ASTN2: variants seen among roughly 807,000 people sequenced by gnomAD.
ASTN2 encodes astrotactin-2.
ASTN2 carries 54 observed loss-of-function variants against 139.8 expected under a neutral mutation model. The observed-to-expected ratio is 0.39, with a 90% CI of 0.31 to 0.48. The LOEUF (loss-of-function observed/expected upper bound fraction) is 0.48, where lower values mean the gene tolerates loss of function less well. ASTN2 is among the 20% of genes least tolerant of loss of function. The pLI is 0.95. For missense variants in ASTN2, 1,565 were observed against 1,725.1 expected, an observed-to-expected ratio of 0.91 and a Z score of 1.64; for synonymous variants, 756 against 719.5, an observed-to-expected ratio of 1.05 and a Z score of -0.81.
chr9:116,465,810 C>T (rs1359864066), intron 20 of ASTN2, among the ~76,000 whole-genome samples: 1 of 152,022 alleles, frequency 6.6e-6, no homozygotes, highest in Non-Finnish European at 1.5e-5. Context: ...ATGGGAGGGG[C>T]AGAATGGGGC....
intron 17 of ASTN2, among the ~76,000 whole-genome samples, chr9:116,641,440 T>C (rs1041766073): frequency 1.3e-5 from 2 of 152,082 alleles, no homozygotes; most frequent in African/African-American, 4.8e-5. Flanking sequence ...AGTTTTCATG[T>C]TGGGGAAAAA....
chr9:117,060,478 AAGG>A (rs1839245230), intron 5 of ASTN2, among the ~76,000 whole-genome samples: 14 of 104,394 alleles, frequency 1.3e-4, no homozygotes, highest in African/African-American at 5.9e-4. Flanking sequence ...GGAAGGAAGG[AAGG>A]AAGGAATGAA....
chr9:116,516,673 G>A (rs144822769), intron 19 of ASTN2, among the ~76,000 whole-genome samples: 14 of 152,330 alleles, frequency 9.2e-5, no homozygotes, highest in Admixed American at 2.0e-4. Context: ...ACAAAAAACT[G>A]TGAGTCAGCT....
At chr9:117,148,749 A>G (rs894971228) in intron 3 of ASTN2, among the ~76,000 whole-genome samples, 6 of 152,240 alleles carry the variant, frequency 3.9e-5, no homozygotes, top group African/African-American at 1.4e-4. Context: ...ATATTTTTTT[A>G]GATGACATAA....
intron 13 of ASTN2, among the ~76,000 whole-genome samples, chr9:116,800,083 A>C (rs1423484882): frequency 6.6e-6 from 1 of 152,128 alleles, no homozygotes; most frequent in Non-Finnish European, 1.5e-5. Flanking sequence ...CGAGGAATAA[A>C]CTGTATTTTG....
intron 16 of ASTN2, among the ~76,000 whole-genome samples, chr9:116,685,523 A>C (rs2132033802): frequency 1.3e-5 from 2 of 152,324 alleles, no homozygotes; most frequent in Admixed American, 1.3e-4. Context: ...TTAAGTGTTA[A>C]ATAAAAATCT....
chr9:116,596,744 CAG>C (rs969219795), intron 19 of ASTN2, among the ~76,000 whole-genome samples: 7 of 152,050 alleles, frequency 4.6e-5, no homozygotes, highest in African/African-American at 1.7e-4. Context: ...TAGAAAATGA[CAG>C]AGAAGAAACC....
intron 12 of ASTN2, among the ~76,000 whole-genome samples, chr9:116,806,145 G>T (rs1831023282): frequency 6.6e-6 from 1 of 152,184 alleles, no homozygotes; most frequent in Admixed American, 6.5e-5. Flanking sequence ...AATTCACAGG[G>T]AATCATCAAC....
chr9:116,958,890 T>A (rs1186251547), intron 10 of ASTN2, among the ~76,000 whole-genome samples: 2 of 152,060 alleles, frequency 1.3e-5, no homozygotes, highest in Non-Finnish European at 2.9e-5. Context: ...CACTATGAAA[T>A]GGGTTCAACC....
chr9:116,491,484 C>A (rs1849516618), intron 19 of ASTN2, among the ~76,000 whole-genome samples: 1 of 152,070 alleles, frequency 6.6e-6, no homozygotes, highest in Admixed American at 6.5e-5. Flanking sequence ...AATTGAATTC[C>A]CGCCACACTC....
At chr9:116,815,688 C>CCAACTACT (rs1831296203) in intron 12 of ASTN2, among the ~76,000 whole-genome samples, 1 of 150,344 alleles carries the variant, frequency 6.7e-6, no homozygotes, top group South Asian at 2.1e-4. Context: ...ACCTGTAGTC[C>CCAACTACT]CAACTACTTG....
Position 116,618,441 on chromosome 9 carries a change from T to C in ASTN2, c.3238A>G (p.Ser1080Gly), listed in dbSNP as rs747783567. 3 of 1,613,868 alleles carry C rather than the reference T, an allele frequency of 1.9e-6. No homozygotes were observed. The highest frequency in any genetic ancestry group is 2.2e-5 in the East Asian group (1 of 44,898). The change falls in exon 19 of 23, where the codon AGT becomes GGT. Residue 1080 changes from serine to glycine, a missense_variant. Transcript: ENST00000313400. ...LRLSPTVEPS[S>G]TVVSLEWVDV... ...ACCCACTCCAAGGAGACCACAGTAC[T>C]GGAGGGCTCCACTGTTGGGGACAGC...
At position 116,425,846 on chromosome 9, in the gene ASTN2, C is replaced by G; in HGVS notation, c.*5G>C. 1.2e-6 allele frequency: 2 copies of G among 1,614,126 alleles called. No homozygotes were observed. Among genetic ancestry groups the G allele is most frequent in the Middle Eastern group, 3.3e-4 (2 of 6,062 alleles). Reference sequence around the variant, plus strand: ...CTCTGTGCTCACGGAGGGCAATACCCTCCCTCACCGGCCCTTGGACTCCCC... The same window carrying G: ...CTCTGTGCTCACGGAGGGCAATACCGTCCCTCACCGGCCCTTGGACTCCCC... On this transcript the variant is annotated 3_prime_UTR_variant, in exon 23 of 23. Coordinates refer to ENST00000313400, the MANE Select transcript of ASTN2 (RefSeq NM_001365068.1).
intron 16 of ASTN2, among the ~76,000 whole-genome samples, chr9:116,725,428 C>A (rs1433332775): frequency 6.6e-6 from 1 of 151,912 alleles, no homozygotes; most frequent in Non-Finnish European, 1.5e-5. Flanking sequence ...GTCAAGAAGA[C>A]ACCACTTGCT....
At chr9:117,038,291 C>G (rs553687834) in intron 6 of ASTN2, among the ~76,000 whole-genome samples, 1 of 152,200 alleles carries the variant, frequency 6.6e-6, no homozygotes, top group Non-Finnish European at 1.5e-5. Context: ...ATCTCAAAAA[C>G]GTTCTATACA....
chr9:117,268,013 A>G (rs917442458), intron 2 of ASTN2, among the ~76,000 whole-genome samples: 1 of 152,222 alleles, frequency 6.6e-6, no homozygotes, highest in Admixed American at 6.5e-5. Flanking sequence ...AATGTGTTTC[A>G]TTTGATAAAT....
At chr9:117,130,758 C>T (rs1008354503) in intron 4 of ASTN2, among the ~76,000 whole-genome samples, 8 of 152,168 alleles carry the variant, frequency 5.3e-5, no homozygotes, top group South Asian at 2.1e-4. Flanking sequence ...CACACATACA[C>T]ACATACATAC....
chr9:117,096,252 T>C, intron 4 of ASTN2, 101 bp from the exon 5 acceptor site: 1 of 899,652 alleles, frequency 1.1e-6, no homozygotes, highest in Non-Finnish European at 1.8e-6. Flanking sequence ...CCCAGACTTT[T>C]CTCTGTAAAT....
At chr9:116,790,824 G>A (rs1348782178) in intron 13 of ASTN2, among the ~76,000 whole-genome samples, 15 of 151,110 alleles carry the variant, frequency 9.9e-5, no homozygotes, top group East Asian at 5.9e-4. Flanking sequence ...ACAGGCATGC[G>A]CCACCACGCT....
Sources: gnomAD v4.1 joint callset for allele counts (sites outside exome capture counted in the v4.1 genomes callset) on GRCh38, gnomAD v4.1.1 for gene constraint, MANE v1.5 for transcripts, NCBI Gene and HGNC (gene_info 2026-07-23, HGNC 2026-07-21) for gene names.